The following SLC35D4 variants were observed in gnomAD, a reference collection of about 807,000 sequenced individuals.
SLC35D4 encodes the protein UDP-N-acetylglucosamine transporter SLC35D4.
the SLC35D4 span, among the ~76,000 whole-genome samples, chr18:23,263,476 G>A: frequency 6.6e-6 from 1 of 152,364 alleles, no homozygotes; most frequent in East Asian, 1.9e-4. Context: ...GAAATGTTTG[G>A]AAAACTTGCT....
chr18:23,272,356 G>T, the SLC35D4 span, among the ~76,000 whole-genome samples: 1 of 152,080 alleles, frequency 6.6e-6, no homozygotes, highest in African/African-American at 2.4e-5. Flanking sequence ...GAGGCAGGAG[G>T]ATCACTTGAG....
chr18:23,294,176 G>A, the SLC35D4 span, among the ~76,000 whole-genome samples: 2 of 151,954 alleles, frequency 1.3e-5, no homozygotes, highest in African/African-American at 4.8e-5. Context: ...TAGAAAGCAC[G>A]TTCTTTCTTT....
chr18:23,422,972 A>G, the SLC35D4 span, among the ~76,000 whole-genome samples: 1 of 152,246 alleles, frequency 6.6e-6, no homozygotes, highest in Non-Finnish European at 1.5e-5. Flanking sequence ...AGAAGTGACT[A>G]TGACCACAAC....
the SLC35D4 span, among the ~76,000 whole-genome samples, chr18:23,278,501 C>A: frequency 6.6e-6 from 1 of 152,158 alleles, no homozygotes; most frequent in Non-Finnish European, 1.5e-5. Flanking sequence ...TCATGGCCAT[C>A]ATTTCCTGGG....
the SLC35D4 span, among the ~76,000 whole-genome samples, chr18:23,279,947 C>T: frequency 6.6e-6 from 1 of 152,180 alleles, no homozygotes; most frequent in Non-Finnish European, 1.5e-5. Context: ...TCAAGCGATC[C>T]TCCCACCTTG....
At chr18:23,328,004 C>A in the SLC35D4 span, among the ~76,000 whole-genome samples, 4 of 152,146 alleles carry the variant, frequency 2.6e-5, no homozygotes, top group African/African-American at 9.7e-5. Context: ...AATTCAACAA[C>A]GCTTCATGCT....
At chr18:23,417,530 G>T in the SLC35D4 span, among the ~76,000 whole-genome samples, 1 of 152,168 alleles carries the variant, frequency 6.6e-6, no homozygotes, top group Non-Finnish European at 1.5e-5. Flanking sequence ...AGGGGAGAAT[G>T]GGAAGATATC....
the SLC35D4 span, among the ~76,000 whole-genome samples, chr18:23,432,979 CAAAAAAAAAAA>C: frequency 2.9e-3 from 285 of 98,320 alleles, 9 homozygotes; most frequent in South Asian, 0.09. Context: ...GACTCTGTCT[CAAAAAAAAAAA>C]AAAAAAAAAA....
the SLC35D4 span, among the ~76,000 whole-genome samples, chr18:23,337,998 C>T: frequency 8.5e-5 from 13 of 152,308 alleles, no homozygotes; most frequent in South Asian, 2.7e-3. Flanking sequence ...GGATGGCGGT[C>T]ATGTTACCCA....
chr18:23,354,069 C>A, the SLC35D4 span, among the ~76,000 whole-genome samples: 1 of 152,166 alleles, frequency 6.6e-6, no homozygotes, highest in East Asian at 1.9e-4. Flanking sequence ...GTTGCCTGCG[C>A]TGGAACTATT....
At chr18:23,376,727 T>C in the SLC35D4 span, 2 of 452,838 alleles carry the variant, frequency 4.4e-6, no homozygotes, top group African/African-American at 4.0e-5. Context: ...GCATCAGAGA[T>C]CACCCCAAAC....
chr18:23,326,092 A>G, the SLC35D4 span, among the ~76,000 whole-genome samples: 1 of 152,246 alleles, frequency 6.6e-6, no homozygotes, highest in African/African-American at 2.4e-5. Flanking sequence ...GACCAGCAAT[A>G]TGCCTGGTGG....
the SLC35D4 span, among the ~76,000 whole-genome samples, chr18:23,387,607 G>A: frequency 2.0e-5 from 3 of 152,220 alleles, no homozygotes; most frequent in East Asian, 3.9e-4. Flanking sequence ...TTATCTTTAC[G>A]GAGGACATAT....
At chr18:23,421,459 G>A in the SLC35D4 span, 1 of 1,613,552 alleles carries the variant, frequency 6.2e-7, no homozygotes, top group Admixed American at 1.7e-5. Context: ...AAAGGACAAG[G>A]GGCAATGTGA....
the SLC35D4 span, among the ~76,000 whole-genome samples, chr18:23,254,360 G>T: frequency 1.3e-5 from 2 of 152,178 alleles, no homozygotes; most frequent in Non-Finnish European, 2.9e-5. Context: ...TGACAAGGTG[G>T]TATCTCTTTT....
At chr18:23,340,184 A>C in the SLC35D4 span, among the ~76,000 whole-genome samples, 27 of 152,220 alleles carry the variant, frequency 1.8e-4, no homozygotes, top group African/African-American at 6.3e-4. Context: ...ACAAAAAAAT[A>C]AAATTAGCCT....
chr18:23,260,940 C>T, the SLC35D4 span, among the ~76,000 whole-genome samples: 1 of 152,140 alleles, frequency 6.6e-6, no homozygotes, highest in Admixed American at 6.5e-5. Context: ...GGGGAAAGGT[C>T]CTCTTGCCAC....
chr18:23,283,795 C>A, the SLC35D4 span, among the ~76,000 whole-genome samples: 93 of 139,732 alleles, frequency 6.7e-4, no homozygotes, highest in African/African-American at 2.4e-3. Context: ...GGAGACAGAG[C>A]AAGACTCCAT....
the SLC35D4 span, among the ~76,000 whole-genome samples, chr18:23,275,060 AGGTG>A: frequency 1.2e-5 from 1 of 80,868 alleles, no homozygotes; most frequent in African/African-American, 5.6e-5. Flanking sequence ...GTGTTTGTGT[AGGTG>A]TGCTTGTGTG....
Sources: gnomAD v4.1 joint callset for allele counts (sites outside exome capture counted in the v4.1 genomes callset) on GRCh38, gnomAD v4.1.1 for gene constraint, MANE v1.5 for transcripts, NCBI Gene and HGNC (gene_info 2026-07-23, HGNC 2026-07-21) for gene names.